FBXO36: variants seen among roughly 807,000 people sequenced by gnomAD.
FBXO36 encodes the protein F-box only protein 36.
FBXO36 carries 18 observed loss-of-function variants against 17.0 expected under a neutral mutation model. The ratio of observed to expected loss-of-function variants is 1.06; its 90% CI spans 0.73 to 1.57. FBXO36 has a LOEUF of 1.57. FBXO36 is among the 40% of genes most tolerant of loss of function. The probability of loss-of-function intolerance (pLI) is 0.00; values close to 1 mark genes in which losing one functional copy is unlikely to be tolerated. For synonymous variants in FBXO36, 83 were observed against 85.3 expected (o/e 0.97, Z 0.15); for missense variants, 229 against 221.9 (o/e 1.03, Z -0.20).
At chr2:229,987,974 C>A (rs1021905666) in intron 2 of FBXO36, among the ~76,000 whole-genome samples, 4 of 152,168 alleles carry the variant, frequency 2.6e-5, no homozygotes, top group Non-Finnish European at 4.4e-5. Context: ...TCTAAATTTT[C>A]TTTAACTGCT....
intron 2 of FBXO36, among the ~76,000 whole-genome samples, chr2:229,991,261 A>G (rs2077296593): frequency 6.6e-6 from 1 of 152,108 alleles, no homozygotes; most frequent in African/African-American, 2.4e-5. Context: ...CTCCTTAATT[A>G]TTCAGAAATG....
At chr2:229,955,429 T>C (rs1316494354) in intron 1 of FBXO36, among the ~76,000 whole-genome samples, 1 of 151,566 alleles carries the variant, frequency 6.6e-6, no homozygotes, top group Non-Finnish European at 1.5e-5. Context: ...GGTGGTAGGA[T>C]CCCTTGAATC....
intron 1 of FBXO36, among the ~76,000 whole-genome samples, chr2:229,962,342 T>A (rs975186537): frequency 6.6e-6 from 1 of 151,804 alleles, no homozygotes; most frequent in South Asian, 2.1e-4. Context: ...TTTTTTTCTT[T>A]TTTTTGAAAC....
At chr2:229,962,522 T>TATTTTATTTTATTTA (rs2077128177) in intron 1 of FBXO36, among the ~76,000 whole-genome samples, 1 of 148,808 alleles carries the variant, frequency 6.7e-6, no homozygotes, top group African/African-American at 2.5e-5. Flanking sequence ...TATTTTATTT[T>TATTTTATTTTATTTA]ATTTTATTTT....
chr2:229,926,613 A>G (rs538977354), intron 1 of FBXO36, among the ~76,000 whole-genome samples: 11 of 150,754 alleles, frequency 7.3e-5, no homozygotes, highest in South Asian at 4.2e-4. Context: ...GCATGGTAGC[A>G]TGAGCCTGTA....
At chr2:229,961,915 T>C (rs920093407) in intron 1 of FBXO36, among the ~76,000 whole-genome samples, 1 of 152,180 alleles carries the variant, frequency 6.6e-6, no homozygotes, top group African/African-American at 2.4e-5. Context: ...GTATGGTGGC[T>C]CATGCCTGTA....
intron 1 of FBXO36, among the ~76,000 whole-genome samples, chr2:229,939,657 TC>T (rs1217314034): frequency 1.3e-5 from 2 of 152,138 alleles, no homozygotes; most frequent in Non-Finnish European, 2.9e-5. Context: ...AAAAGTCGTT[TC>T]CACATTAATA....
intron 1 of FBXO36, among the ~76,000 whole-genome samples, chr2:229,930,277 T>G (rs1412889149): frequency 6.6e-6 from 1 of 151,222 alleles, no homozygotes; most frequent in Non-Finnish European, 1.5e-5. Context: ...ACCTAGGTGT[T>G]TGAGGCTGCA....
At chr2:229,992,513 T>C (rs2106207240) in intron 2 of FBXO36, among the ~76,000 whole-genome samples, 1 of 152,316 alleles carries the variant, frequency 6.6e-6, no homozygotes, top group South Asian at 2.1e-4. Context: ...AGACTTCTAC[T>C]AATGGTTTCT....
At position 229,995,871 on chromosome 2, in the gene FBXO36, G is replaced by A. The variant is rs558612215; in HGVS notation, c.206-880G>A. ...CTGCCCAAAGTGCTGGGATTATAGG[G>A]GTGAGCCTCCGTGCCCAGCCCTGTT... On this transcript the variant is annotated intron_variant, in intron 2 of 3. Transcript: ENST00000283946. Among the ~76,000 whole-genome samples, 3 of 151,578 alleles carry A rather than the reference G, an allele frequency of 2.0e-5. No homozygotes were observed. In the East Asian group the frequency reaches 5.8e-4, roughly 29 times the overall value.
Position 229,926,125 on chromosome 2 carries a change from TAA to T in FBXO36, c.96+3535_96+3536del, listed in dbSNP as rs34162848. ...GGCAACATAGCAAGACCCCTTCTCT[TAA>T]AAAAAAAAAAAAAAAAAAGGGGGGG... is the stretch of plus-strand genomic sequence containing the variant. On this transcript the variant is annotated intron_variant, in intron 1 of 3. Transcript: ENST00000283946. Among the ~76,000 whole-genome samples, 312 of 103,382 alleles carry T rather than the reference TAA, an allele frequency of 3.0e-3. 1 individual carries two copies. Among genetic ancestry groups the T allele is most frequent in the Middle Eastern group, 6.3e-3 (1 of 158 alleles). 67.8% of individuals were successfully genotyped at this position (103,382 alleles called of 152,430 possible).
intron 1 of FBXO36, among the ~76,000 whole-genome samples, chr2:229,941,088 G>A (rs1358380405): frequency 1.3e-5 from 2 of 152,100 alleles, no homozygotes; most frequent in Non-Finnish European, 2.9e-5. Context: ...TGACTCTAGC[G>A]CAGTGAATCT....
At chr2:229,942,489 A>G (rs556502758) in intron 1 of FBXO36, among the ~76,000 whole-genome samples, 2 of 152,236 alleles carry the variant, frequency 1.3e-5, no homozygotes, top group East Asian at 3.9e-4. Flanking sequence ...TGAGAAATTC[A>G]TGGAGATCAC....
chr2:229,973,757 G>A (rs2077193271), intron 1 of FBXO36, among the ~76,000 whole-genome samples: 1 of 147,708 alleles, frequency 6.8e-6, no homozygotes, highest in Admixed American at 6.8e-5. Context: ...TTTTAAATTT[G>A]TCTATTCGGC....
At chr2:229,990,809 T>G (rs1160243885) in intron 2 of FBXO36, among the ~76,000 whole-genome samples, 2 of 152,238 alleles carry the variant, frequency 1.3e-5, no homozygotes, top group Non-Finnish European at 2.9e-5. Context: ...TGGTATATAA[T>G]TCTTTGAGAG....
intron 1 of FBXO36, among the ~76,000 whole-genome samples, chr2:229,947,473 T>G (rs937702145): frequency 1.3e-5 from 2 of 152,180 alleles, no homozygotes; most frequent in Non-Finnish European, 2.9e-5. Context: ...TCCTTGGCCT[T>G]CTATGCCACC....
chr2:229,976,179 C>T (rs2077207105), intron 1 of FBXO36, 62 bp from the exon 2 acceptor site: 2 of 1,323,030 alleles, frequency 1.5e-6, no homozygotes, highest in East Asian at 2.4e-5. Flanking sequence ...AAACCCCAAA[C>T]TTAATGTAAC....
intron 1 of FBXO36, among the ~76,000 whole-genome samples, chr2:229,972,356 G>C (rs2077185205): frequency 6.6e-6 from 1 of 152,098 alleles, no homozygotes; most frequent in Non-Finnish European, 1.5e-5. Context: ...TACCAGGTCC[G>C]ACTGAAAGCT....
chr2:229,977,521 G>T (rs2077215674), intron 2 of FBXO36, among the ~76,000 whole-genome samples: 1 of 152,074 alleles, frequency 6.6e-6, no homozygotes, highest in Non-Finnish European at 1.5e-5. Context: ...CATGATTTCA[G>T]CTCACTGCAA....
Sources: allele counts gnomAD v4.1 joint callset (sites outside exome capture counted in the v4.1 genomes callset), GRCh38; gene constraint gnomAD v4.1.1; transcripts MANE v1.5; gene names NCBI Gene and HGNC (gene_info 2026-07-23, HGNC 2026-07-21).